CCDC157: variants seen among roughly 807,000 people sequenced by gnomAD.
CCDC157 encodes coiled-coil domain containing 157.
CCDC157 carries 60 observed loss-of-function variants against 70.9 expected under a neutral mutation model. The observed-to-expected ratio is 0.85, with a 90% CI of 0.69 to 1.05. The LOEUF is 1.05. CCDC157 is among the 50% of genes least tolerant of loss of function. The probability of loss-of-function intolerance (pLI) is 0.00; values close to 1 mark genes in which losing one functional copy is unlikely to be tolerated. For synonymous variants in CCDC157, 373 were observed against 422.4 expected (o/e 0.88, Z 1.43); for missense variants, 943 against 984.2 (o/e 0.96, Z 0.56).
In CCDC157 at chr22:30,357,130, C is replaced by T. The variant is rs1931933531; in HGVS notation, c.-168C>T. 1 of 256,986 alleles carries T rather than the reference C, an allele frequency of 3.9e-6. No individual in the cohort carries two copies. Among genetic ancestry groups the T allele is most frequent in the Non-Finnish European group, 7.3e-6 (1 of 136,154 alleles). The allele number at this position is 256,986 out of a possible 1,614,324, so 15.9% of individuals were successfully genotyped here. Reference sequence around the variant, plus strand: ...AAGGCTGAAGCCGCGACGCCGAAGACAGGTGAGATGTTGTACGTCACCCGC... The same window carrying T: ...AAGGCTGAAGCCGCGACGCCGAAGATAGGTGAGATGTTGTACGTCACCCGC... On this transcript the variant is annotated splice_region_variant and 5_prime_UTR_variant, in exon 1 of 12. Transcript: ENST00000338306.
upstream of CCDC157, chr22:30,356,738 G>A: frequency 2.0e-6 from 3 of 1,494,554 alleles, no homozygotes; most frequent in Admixed American, 2.2e-5. Flanking sequence ...ACCTGTTTGG[G>A]CTCCGTGGGC....
At position 30,373,237 on chromosome 22, in the gene CCDC157, T is replaced by C. The variant is rs934602144; in HGVS notation, c.1336-360T>C. ...TGGGCTTCAGCAACATGGGATGATG[T>C]GACACTGGAGACCCGAGGAGAAGAA... On this transcript the variant is annotated intron_variant, in intron 7 of 11. Coordinates refer to ENST00000338306, the MANE Select transcript of CCDC157 (RefSeq NM_001017437.5). The C allele has an allele frequency of 2.4e-5, 6 of 247,462 alleles. No homozygotes were observed. In the East Asian group the frequency reaches 5.2e-4, roughly 21 times the overall value. The allele number at this position is 247,462 out of a possible 1,614,324, so 15.3% of individuals were successfully genotyped here. A position where few individuals can be genotyped will look rare whatever the true frequency, so the allele number is the denominator to read the frequency against.
chr22:30,372,462 G>A lies in CCDC157; in HGVS notation c.1335+176G>A, dbSNP rs968601663. On this transcript the variant is annotated intron_variant, in intron 7 of 11. Coordinates refer to ENST00000338306, the MANE Select transcript of CCDC157 (RefSeq NM_001017437.5). ...GTCTACCCTGAACCAGGCACTGGGG[G>A]AACAGTGACCCAGGGACTGATACTG... 9.9e-6 allele frequency: 9 copies of A among 907,476 alleles called. No homozygotes were observed. The East Asian group carries it at 1.4e-4, about 14-fold the overall frequency. 56.2% of individuals were successfully genotyped at this position (907,476 alleles called of 1,614,324 possible). A position where few individuals can be genotyped will look rare whatever the true frequency, so the allele number is the denominator to read the frequency against.
At position 30,376,435 on chromosome 22, in the gene CCDC157, C is replaced by T. The variant is rs138999676; in HGVS notation, c.1949C>T (p.Pro650Leu). 1.9e-3 allele frequency: 3,044 copies of T among 1,613,758 alleles called. 5 individuals are homozygous for T. The highest frequency in any genetic ancestry group is 2.0e-3 in the Non-Finnish European group (2,353 of 1,179,782). The change falls in exon 12 of 12, where the codon CCT (proline) becomes CTT (leucine). Residue 650 changes from proline (P) to leucine (L), a missense_variant and splice_region_variant. Transcript: ENST00000338306. Reference protein sequence around the residue: ...PVQAKSTSPGPLGRQHLPSSR... With the variant: ...PVQAKSTSPGLLGRQHLPSSR... ...TCTTGGATCTGGTTTTCCTTCAGGC[C>T]TCTGGGCAGACAGCACCTTCCTAGC...
At chr22:30,369,780 C>T in intron 4 of CCDC157, 177 bp downstream of exon 4, 1 of 519,142 alleles carries the variant, frequency 1.9e-6, no homozygotes, top group East Asian at 3.2e-5. Context: ...GTTAAGAACG[C>T]AGGCCTTGGG....
rs1933390575 is a variant in CCDC157, at chr22:30,376,668, G to A, written c.2182G>A (p.Val728Ile). 1 of 1,613,712 alleles carries A rather than the reference G, an allele frequency of 6.2e-7. No individual in the cohort carries two copies. Among genetic ancestry groups the A allele is most frequent in the South Asian group, 1.1e-5 (1 of 91,070 alleles). ...TCTQNPIKVL[V>I]RLRKRLSPGR... Reference sequence around the variant, plus strand: ...CACCCAGAACCCCATCAAGGTCTTGGTCAGGCTGAGAAAGAGACTGTCACC... The same window carrying A: ...CACCCAGAACCCCATCAAGGTCTTGATCAGGCTGAGAAAGAGACTGTCACC... The change falls in exon 12 of 12, where the codon GTC becomes ATC. Residue 728 changes from valine to isoleucine, a missense_variant. By Grantham distance (29) the Val-to-Ile change is conservative. Coordinates refer to ENST00000338306, the MANE Select transcript of CCDC157 (RefSeq NM_001017437.5).
Position 30,370,400 on chromosome 22 carries a change from T to A in CCDC157, c.495T>A (p.Tyr165Ter). The change falls in exon 5 of 12, where the codon TAT becomes TAA. Residue 165 changes from tyrosine to a stop codon, truncating the protein, a stop_gained. Transcript: ENST00000338306. LOFTEE classifies it high-confidence loss of function. ...GCGAGCCAGCCAGGAGCCCTGAATA[T>A]CTGACTACCAAGTTAATCAAGCCCT... The part of the protein sequence containing the change: ...TKGEPARSPE[Y>*]LTTKLIKPSS... 1 of 1,614,040 alleles carries A rather than the reference T, an allele frequency of 6.2e-7. No individual in the cohort carries two copies. Among genetic ancestry groups the A allele is most frequent in the African/African-American group, 1.3e-5 (1 of 75,008 alleles).
At chr22:30,371,087 GAAGGGAGGGCAGC>G (rs1932918478) in intron 5 of CCDC157, 137 bp downstream of exon 5, 3 of 1,089,152 alleles carry the variant, frequency 2.8e-6, no homozygotes, top group Middle Eastern at 3.0e-4. Flanking sequence ...AAGAGGCAGG[GAAGGGAGGGCAGC>G]AAGGAAGGGG....
chr22:30,364,081 A>G (rs998146710), intron 2 of CCDC157, among the ~76,000 whole-genome samples: 10 of 152,170 alleles, frequency 6.6e-5, no homozygotes, highest in African/African-American at 2.4e-4. Flanking sequence ...GGACTGCTTG[A>G]ACCCAGAAGT....
At chr22:30,363,202 C>T (rs1051931802) in intron 2 of CCDC157, among the ~76,000 whole-genome samples, 3 of 152,166 alleles carry the variant, frequency 2.0e-5, no homozygotes, top group Non-Finnish European at 4.4e-5. Context: ...CTCGCTTCTC[C>T]ACCTTCTGAG....
chr22:30,376,094 G>A (rs1933334982), intron 10 of CCDC157, 165 bp from the exon 11 acceptor site: 3 of 623,648 alleles, frequency 4.8e-6, no homozygotes, highest in African/African-American at 1.9e-5. Context: ...CTCTGCAGCT[G>A]AGAATAGGCC....
rs201925551 is a variant in CCDC157, at chr22:30,374,038, G to T, written c.1619G>T (p.Arg540Leu). ...RELEELKERERLLVAFPDLHR... is the reference protein window; with the variant it reads ...RELEELKERELLLVAFPDLHR... ...CTGGAGGAGCTGAAGGAGCGGGAGC[G>T]GCTGCTGGTGGCCTTCCCAGACCTG... The change falls in exon 9 of 12, where the codon CGG becomes CTG. Residue 540 changes from arginine to leucine, a missense_variant. Arg to Leu is a moderately radical substitution (Grantham distance 102). Transcript: ENST00000338306. 2 of 1,607,180 alleles carry T rather than the reference G, an allele frequency of 1.2e-6. No individual in the cohort carries two copies. The highest frequency in any genetic ancestry group is 2.2e-5 in the South Asian group (2 of 89,392).
At chr22:30,367,331 G>A (rs1400818861) in intron 3 of CCDC157, among the ~76,000 whole-genome samples, 6 of 151,876 alleles carry the variant, frequency 4.0e-5, no homozygotes. Context: ...CACCTCCTGG[G>A]TTCAAGAGAT....
At chr22:30,356,778 G>C (rs1330842044), upstream of CCDC157, 1 of 1,435,284 alleles carries the variant, frequency 7.0e-7, no homozygotes, top group Non-Finnish European at 9.2e-7. Context: ...CCGCCTGCAC[G>C]GGTCCGGCCG....
Position 30,373,441 on chromosome 22 carries a change from C to A in CCDC157, c.1336-156C>A. On this transcript the variant is annotated intron_variant, in intron 7 of 11. Coordinates refer to ENST00000338306, the MANE Select transcript of CCDC157 (RefSeq NM_001017437.5). ...GCTGCCAGCTTCCCCCGACCCCTAC[C>A]CTTCCACGCATGTGACCAGCATTCC... The A allele has an allele frequency of 2.6e-5, 20 of 773,206 alleles. No homozygotes were observed. In the South Asian group the frequency reaches 2.7e-4, roughly 11 times the overall value. 47.9% of individuals were successfully genotyped at this position (773,206 alleles called of 1,614,324 possible).
rs1932846300 is a variant in CCDC157 at position 30,369,599 on chromosome 22, C to G, written c.416C>G (p.Pro139Arg). Residue 139 changes from proline (P) to arginine (R), a missense_variant, in exon 4 of 12, where the codon CCC (proline) becomes CGC (arginine). By Grantham distance (103) the Pro-to-Arg change is moderately radical. Coordinates refer to ENST00000338306, the MANE Select transcript of CCDC157 (RefSeq NM_001017437.5). Reference sequence around the variant, plus strand: ...GGCACGCTCCACCAGCAGCCACTCCCCCAGGTGGGTCCCAGCCTCTGTCTC... The same window carrying G: ...GGCACGCTCCACCAGCAGCCACTCCGCCAGGTGGGTCCCAGCCTCTGTCTC... ...RLGTLHQQPL[P>R]QKGANQRETP... The G allele has an allele frequency of 1.3e-6, 2 of 1,555,308 alleles. No individual in the cohort carries two copies. Among genetic ancestry groups the G allele is most frequent in the East Asian group, 4.7e-5 (2 of 42,340 alleles).
upstream of CCDC157, chr22:30,356,933 C>T (rs895506730): frequency 7.3e-6 from 5 of 680,824 alleles, no homozygotes; most frequent in African/African-American, 1.9e-5. Flanking sequence ...GTACGACTGG[C>T]GCACTTCCGG....
rs563550127 is a variant in CCDC157 at position 30,376,346 on chromosome 22, G to A, written c.1945G>A (p.Gly649Arg). ...PPVQAKSTSP[G>R]PLGRQHLPSS... The stretch of plus-strand genomic sequence containing the variant: ...AGTCCAGGCCAAGAGCACATCCCCA[G>A]GGTGAGTGAGGCTTTACTGGAGGTG... Residue 649 changes from glycine (G) to arginine (R), a missense_variant and splice_region_variant, in exon 11 of 12, where the codon GGG (glycine) becomes AGG (arginine). Physicochemically the swap from Gly to Arg is moderately radical, Grantham distance 125 (BLOSUM62 -2). Transcript: ENST00000338306. 5.6e-6 allele frequency: 9 copies of A among 1,612,396 alleles called. No homozygotes were observed. In the African/African-American group the frequency reaches 1.2e-4, roughly 22 times the overall value.
chr22:30,361,840 TTC>T (rs35972470), intron 1 of CCDC157, 119 bp from the exon 2 acceptor site: 27,224 of 152,444 alleles, frequency 0.18, 2,681 homozygotes, highest in South Asian at 0.38. Flanking sequence ...CACCTGCCCC[TTC>T]TCTCCCCTCC....
Sources: allele counts gnomAD v4.1 joint callset (sites outside exome capture counted in the v4.1 genomes callset), GRCh38; gene constraint gnomAD v4.1.1; transcripts MANE v1.5; gene names NCBI Gene and HGNC (gene_info 2026-07-23, HGNC 2026-07-21).